Variants in COL4A5 observed in about 807,000 individuals in gnomAD.
COL4A5 encodes the protein collagen type IV alpha 5 chain.
COL4A5 carries 26 observed loss-of-function variants against 130.2 expected under a neutral mutation model. That is an observed-to-expected ratio of 0.20 (90% CI 0.15 to 0.28). The LOEUF (loss-of-function observed/expected upper bound fraction) is 0.28. Ranked by LOEUF, COL4A5 falls within the 10% of genes least tolerant of loss-of-function variation. COL4A5 has a pLI of 1.00. For missense variants in COL4A5, 1,131 were observed against 1,344.3 expected, an observed-to-expected ratio of 0.84 and a Z score of 2.48; for synonymous variants, 496 against 439.6, an observed-to-expected ratio of 1.13 and a Z score of -1.60.
intron 47 of COL4A5, among the ~76,000 whole-genome samples, 192 bp downstream of exon 47, chrX:108,682,080 C>T (rs1347475787): frequency 9.0e-6 from 1 of 111,068 alleles, no homozygotes; most frequent in African/African-American, 3.3e-5. Flanking sequence ...TTGACAGGCC[C>T]TGGTGTGTGA....
chrX:108,501,506 T>G (rs1017344558), intron 1 of COL4A5, among the ~76,000 whole-genome samples: 1 of 111,872 alleles, frequency 8.9e-6, no homozygotes, highest in Non-Finnish European at 1.9e-5. Context: ...TTACTTAGTT[T>G]GTGAGAGAGC....
At chrX:108,577,824 A>G in intron 10 of COL4A5, 128 bp from the exon 11 acceptor site, 1 of 560,986 alleles carries the variant, frequency 1.8e-6, no homozygotes. Flanking sequence ...TCTGACTAAA[A>G]TGAAAACAAA....
chrX:108,490,956 C>A (rs1301117537), intron 1 of COL4A5, among the ~76,000 whole-genome samples: 1 of 111,999 alleles, frequency 8.9e-6, no homozygotes, highest in Non-Finnish European at 1.9e-5. Flanking sequence ...CCAGCTCCAT[C>A]TGTGTTCTCA....
At chrX:108,626,086 A>G in intron 35 of COL4A5, 124 bp from the exon 36 acceptor site, 2 of 642,499 alleles carry the variant, frequency 3.1e-6, no homozygotes, top group Non-Finnish European at 2.4e-6. Flanking sequence ...TGTGAGGCTC[A>G]TTATTATCTA....
chrX:108,456,557 T>C (rs774891141), intron 1 of COL4A5, among the ~76,000 whole-genome samples: 1 of 111,783 alleles, frequency 8.9e-6, no homozygotes, highest in Non-Finnish European at 1.9e-5. Flanking sequence ...CTTTTTGTCC[T>C]GGCTATCTTA....
chrX:108,503,929 T>C (rs2065102679), intron 1 of COL4A5, among the ~76,000 whole-genome samples: 1 of 112,035 alleles, frequency 8.9e-6, no homozygotes, highest in Non-Finnish European at 1.9e-5. Context: ...GGAGCCTGCA[T>C]AGCCAAAGCA....
chrX:108,490,115 C>G (rs922489968), intron 1 of COL4A5, among the ~76,000 whole-genome samples: 2 of 111,601 alleles, frequency 1.8e-5, no homozygotes, highest in African/African-American at 6.5e-5. Flanking sequence ...ACTCTATATT[C>G]AGATTTCACC....
At chrX:108,571,894 A>G in intron 8 of COL4A5, 57 bp downstream of exon 8, 1 of 901,268 alleles carries the variant, frequency 1.1e-6, no homozygotes, top group African/African-American at 1.9e-5. Flanking sequence ...GAAAGCTGGC[A>G]ACTTCAATAG....
At chrX:108,603,884 C>T (rs1209504370) in intron 28 of COL4A5, among the ~76,000 whole-genome samples, 1 of 112,234 alleles carries the variant, frequency 8.9e-6, no homozygotes, top group African/African-American at 3.2e-5. Flanking sequence ...TTCCCAGCAT[C>T]TTCACCAGGG....
intron 29 of COL4A5, among the ~76,000 whole-genome samples, chrX:108,614,508 A>C (rs1021288546): frequency 3.6e-5 from 4 of 111,928 alleles, no homozygotes; most frequent in Non-Finnish European, 5.6e-5. Context: ...TTACTAATGA[A>C]GGGAGAAGCT....
rs370523298 is a variant in COL4A5 at position 108,544,497 on chromosome X, T to C, written c.141+4692T>C. Among the ~76,000 whole-genome samples the C allele has an allele frequency of 9.2e-4, 103 of 112,010 alleles. 1 individual carries two copies. The South Asian group carries it at 0.033, about 36-fold the overall frequency. On this transcript the variant is annotated intron_variant, in intron 2 of 52. Coordinates refer to ENST00000328300, the MANE Select transcript of COL4A5 (RefSeq NM_033380.3). ...GTGGATAAGGTTTTTGATGTGCTCT[T>C]GGATTCAGTTTGCCAGTATTTTATT...
chrX:108,544,901 G>A (rs1164791841), intron 2 of COL4A5, among the ~76,000 whole-genome samples: 1 of 111,907 alleles, frequency 8.9e-6, no homozygotes, highest in Non-Finnish European at 1.9e-5. Context: ...TTGCGTAGAG[G>A]TGTTTACAAT....
At chrX:108,671,329 A>G (rs2068203207) in intron 42 of COL4A5, among the ~76,000 whole-genome samples, 1 of 111,537 alleles carries the variant, frequency 9.0e-6, no homozygotes, top group East Asian at 2.8e-4. Flanking sequence ...ATGGCAGGAC[A>G]TTTTTTCATC....
At chrX:108,483,223 A>ATGTGTG (rs3081023) in intron 1 of COL4A5, among the ~76,000 whole-genome samples, 8 of 93,836 alleles carry the variant, frequency 8.5e-5, no homozygotes, top group African/African-American at 2.4e-4. Context: ...GTGTGTGTGT[A>ATGTGTG]TGTGTGTGTG....
At chrX:108,653,254 G>A (rs1472862119) in intron 36 of COL4A5, among the ~76,000 whole-genome samples, 3 of 111,334 alleles carry the variant, frequency 2.7e-5, no homozygotes, top group African/African-American at 9.8e-5. Flanking sequence ...GGCAAGTGCT[G>A]GCTGAACTTA....
At position 108,578,000 on chromosome X, in the gene COL4A5, T is replaced by A. The variant is rs200593057; in HGVS notation, c.645+13T>A. On this transcript the variant is annotated intron_variant, in intron 11 of 52. Coordinates refer to ENST00000328300, the MANE Select transcript of COL4A5 (RefSeq NM_033380.3). ...TCCAGGACCTAAGGTAATTTTCTTT[T>A]TCTTTATATCTTTTATTTGGTGTGG... The A allele has an allele frequency of 8.3e-7, 1 of 1,203,552 alleles. No individual in the cohort carries two copies. The highest frequency in any genetic ancestry group is 1.1e-6 in the Non-Finnish European group (1 of 890,137).
At chrX:108,679,208 T>C (rs2068373281) in intron 44 of COL4A5, among the ~76,000 whole-genome samples, 1 of 112,237 alleles carries the variant, frequency 8.9e-6, no homozygotes, top group Non-Finnish European at 1.9e-5. Context: ...CTAATAAAAC[T>C]GTAGGAAGGC....
At chrX:108,586,890 T>G (rs928304683) in intron 19 of COL4A5, 143 bp downstream of exon 19, 24 of 620,277 alleles carry the variant, frequency 3.9e-5, no homozygotes, top group Non-Finnish European at 6.0e-5. Flanking sequence ...CAACTCTTAC[T>G]ATACCTTCTC....
intron 42 of COL4A5, 84 bp from the exon 43 acceptor site, chrX:108,674,661 A>G (rs2068270918): frequency 2.1e-6 from 2 of 957,665 alleles, no homozygotes; most frequent in African/African-American, 3.9e-5. Context: ...AACCACTTCT[A>G]ACTCATAATC....
Sources: gnomAD v4.1 joint callset for allele counts (sites outside exome capture counted in the v4.1 genomes callset) on GRCh38, gnomAD v4.1.1 for gene constraint, MANE v1.5 for transcripts, NCBI Gene and HGNC (gene_info 2026-07-23, HGNC 2026-07-21) for gene names.